Variants in STAG1 observed in about 807,000 individuals in gnomAD.
The protein encoded by STAG1 is STAG1 cohesin complex component.
Under a neutral mutation model 170.9 loss-of-function variants are expected in STAG1, and 26 were observed. The ratio of observed to expected loss-of-function variants is 0.15; its 90% CI spans 0.11 to 0.21. STAG1 has a LOEUF of 0.21. Among genes scored for constraint, STAG1 ranks in the 10% least tolerant of loss-of-function variants. STAG1 has a pLI of 1.00. For missense variants in STAG1, 964 were observed against 1,509.5 expected (o/e 0.64, Z 5.99); for synonymous variants, 514 against 497.7 (o/e 1.03, Z -0.44).
intron 1 of STAG1, among the ~76,000 whole-genome samples, chr3:136,730,300 T>C (rs535159860): frequency 4.9e-4 from 75 of 152,354 alleles, no homozygotes; most frequent in Non-Finnish European, 3.2e-4. Flanking sequence ...AACTGCTAAA[T>C]TTCAGTTATA....
At chr3:136,752,010 C>T (rs1015911187) in intron 1 of STAG1, among the ~76,000 whole-genome samples, 185 bp downstream of exon 1, 19 of 150,886 alleles carry the variant, frequency 1.3e-4, no homozygotes, top group African/African-American at 4.6e-4. Flanking sequence ...CGCCGCACCC[C>T]GCACAGGCCC....
chr3:136,424,249 G>C (rs2088045189), intron 16 of STAG1, among the ~76,000 whole-genome samples: 1 of 151,480 alleles, frequency 6.6e-6, no homozygotes, highest in Non-Finnish European at 1.5e-5. Flanking sequence ...ACATTGAAAA[G>C]TCTTGAAATT....
chr3:136,579,005 C>A (rs529122669), intron 4 of STAG1, among the ~76,000 whole-genome samples: 1 of 152,296 alleles, frequency 6.6e-6, no homozygotes, highest in South Asian at 2.1e-4. Flanking sequence ...TGGGAAATTG[C>A]AGAGTTTAAT....
chr3:136,709,560 C>T lies in STAG1; in HGVS notation c.-84+42635G>A, dbSNP rs1250035271. On this transcript the variant is annotated intron_variant, in intron 1 of 33. Coordinates refer to ENST00000383202, the MANE Select transcript of STAG1 (RefSeq NM_005862.3). ...GACCAGCCTGGGCAACATCATGAGA[C>T]CCATCTCTAAAAAAATAAAATAAAA... Among the ~76,000 whole-genome samples the T allele has an allele frequency of 4.6e-5, 7 of 151,892 alleles. No individual in the cohort carries two copies. In the East Asian group the frequency reaches 1.4e-3, roughly 30 times the overall value.
chr3:136,443,213 G>A, intron 15 of STAG1, 74 bp downstream of exon 15: 1 of 969,154 alleles, frequency 1.0e-6, no homozygotes, highest in East Asian at 2.5e-5. Flanking sequence ...TTTTTAAGAA[G>A]CGATCTATAT....
intron 28 of STAG1, 76 bp downstream of exon 28, chr3:136,357,644 T>C: frequency 1.7e-6 from 2 of 1,143,164 alleles, no homozygotes; most frequent in Non-Finnish European, 2.4e-6. Context: ...ATCCAAATGA[T>C]TAAAAATTTT....
intron 5 of STAG1, among the ~76,000 whole-genome samples, chr3:136,563,108 A>G (rs1021657346): frequency 3.5e-4 from 53 of 152,178 alleles, no homozygotes. Flanking sequence ...TGCTTTTATC[A>G]TTTGTTAAGG....
intron 12 of STAG1, among the ~76,000 whole-genome samples, chr3:136,469,033 C>G (rs1212013285): frequency 2.6e-5 from 4 of 152,138 alleles, no homozygotes; most frequent in Non-Finnish European, 5.9e-5. Flanking sequence ...CAATATCATA[C>G]TGAATGGGCA....
rs1943458400 is a variant in STAG1, at chr3:136,714,144, C to T, written c.-84+38051G>A. On this transcript the variant is annotated intron_variant, in intron 1 of 33. Transcript: ENST00000383202. ...CCAGAGCCATGATTGCATCACCGCACTCCAGCCTGAGAAACAGAGCCTGCA... is the reference window on the plus strand; with the variant it reads ...CCAGAGCCATGATTGCATCACCGCATTCCAGCCTGAGAAACAGAGCCTGCA... 4.6e-5 allele frequency among the ~76,000 whole-genome samples: 7 copies of T among 152,262 alleles called. No homozygotes were observed. In the South Asian group the frequency reaches 1.5e-3, roughly 32 times the overall value.
chr3:136,499,839 A>T (rs986404035), intron 9 of STAG1: 138 of 147,850 alleles, frequency 9.3e-4, no homozygotes, highest in East Asian at 3.3e-3. Flanking sequence ...TTTTTTTTTT[A>T]AATTATTAAT....
chr3:136,440,286 C>G (rs9864407), intron 15 of STAG1, among the ~76,000 whole-genome samples: 4 of 151,998 alleles, frequency 2.6e-5, no homozygotes, highest in Non-Finnish European at 2.9e-5. Context: ...TACAGGCGCC[C>G]GCCACCAGGC....
intron 25 of STAG1, among the ~76,000 whole-genome samples, chr3:136,366,712 T>C (rs1163743674): frequency 1.3e-5 from 2 of 152,130 alleles, no homozygotes; most frequent in Admixed American, 6.6e-5. Flanking sequence ...ATGGAGCTTA[T>C]GAAAGTAGCT....
intron 1 of STAG1, among the ~76,000 whole-genome samples, chr3:136,693,718 AC>A (rs1169424953): frequency 6.7e-6 from 1 of 148,550 alleles, no homozygotes; most frequent in Non-Finnish European, 1.5e-5. Context: ...ACAAGTGCAC[AC>A]CCCCATACTC....
chr3:136,719,816 C>A (rs925342694), intron 1 of STAG1, among the ~76,000 whole-genome samples: 1 of 152,056 alleles, frequency 6.6e-6, no homozygotes, highest in East Asian at 1.9e-4. Flanking sequence ...AGCAAGAATG[C>A]ACTAGAAGCA....
intron 1 of STAG1, among the ~76,000 whole-genome samples, chr3:136,660,905 G>A (rs1941555866): frequency 6.6e-6 from 1 of 152,070 alleles, no homozygotes. Flanking sequence ...GGAGTTCAAG[G>A]CTGAAGTAAG....
chr3:136,568,688 C>G, intron 5 of STAG1, 77 bp downstream of exon 5: 1 of 926,520 alleles, frequency 1.1e-6, no homozygotes, highest in Non-Finnish European at 1.7e-6. Flanking sequence ...TTATATACGA[C>G]TAGTGGCAGG....
At chr3:136,688,850 C>A (rs1942626742) in intron 1 of STAG1, among the ~76,000 whole-genome samples, 1 of 152,154 alleles carries the variant, frequency 6.6e-6, no homozygotes, top group Admixed American at 6.6e-5. Context: ...AAAGGATGGA[C>A]AGCTTTCAAA....
chr3:136,696,619 G>A (rs999248746), intron 1 of STAG1, among the ~76,000 whole-genome samples: 4 of 151,990 alleles, frequency 2.6e-5, no homozygotes, highest in Non-Finnish European at 5.9e-5. Flanking sequence ...GCATATTGGG[G>A]GAGTGAAGAG....
At chr3:136,411,494 T>G (rs964517982) in intron 21 of STAG1, among the ~76,000 whole-genome samples, 3 of 152,210 alleles carry the variant, frequency 2.0e-5, no homozygotes, top group Non-Finnish European at 4.4e-5. Context: ...CAATAAATTC[T>G]GAAATGTGTG....
Sources: gnomAD v4.1 joint callset for allele counts (sites outside exome capture counted in the v4.1 genomes callset) on GRCh38, gnomAD v4.1.1 for gene constraint, MANE v1.5 for transcripts, NCBI Gene and HGNC (gene_info 2026-07-23, HGNC 2026-07-21) for gene names.